Variants in CSMD2 observed in about 807,000 individuals in gnomAD.
CSMD2 encodes CUB and sushi domain-containing protein 2.
In CSMD2, 130 loss-of-function variants were observed where a neutral mutation model predicts 398.5. The ratio of observed to expected loss-of-function variants is 0.33; its 90% confidence interval spans 0.28 to 0.38. CSMD2 has a LOEUF of 0.38. Among genes scored for constraint, CSMD2 ranks in the 10% least tolerant of loss-of-function variants. The pLI, the probability that CSMD2 is intolerant of heterozygous loss-of-function variation, is 1.00. For synonymous variants in CSMD2, 1,828 were observed against 1,908.5 expected, an observed-to-expected ratio of 0.96 and a Z score of 1.10; for missense variants, 3,829 against 4,764.9, an observed-to-expected ratio of 0.80 and a Z score of 5.78.
intron 19 of CSMD2, among the ~76,000 whole-genome samples, chr1:33,718,589 A>G (rs1286092197): frequency 5.9e-5 from 9 of 152,236 alleles, no homozygotes; most frequent in Admixed American, 3.9e-4. Flanking sequence ...AGTATGGTCC[A>G]TGAACCAGCA....
chr1:34,109,278 TAC>T, intron 1 of CSMD2, among the ~76,000 whole-genome samples: 2 of 152,350 alleles, frequency 1.3e-5, no homozygotes, highest in South Asian at 4.1e-4. Context: ...TGCCCCCAAC[TAC>T]ACGTTTGAAT....
At chr1:33,564,093 AT>A (rs1438385966) in intron 53 of CSMD2, among the ~76,000 whole-genome samples, 2 of 150,570 alleles carry the variant, frequency 1.3e-5, no homozygotes, top group Admixed American at 1.3e-4. Context: ...CATCATCATC[AT>A]CACACAACAG....
At chr1:34,012,599 G>A (rs944607279) in intron 3 of CSMD2, among the ~76,000 whole-genome samples, 4 of 151,842 alleles carry the variant, frequency 2.6e-5, no homozygotes, top group Non-Finnish European at 5.9e-5. Flanking sequence ...GCACCACCAC[G>A]CCCGGCTAAT....
intron 3 of CSMD2, among the ~76,000 whole-genome samples, chr1:33,952,686 ACACACACACACACACATG>A (rs973099270): frequency 1.3e-3 from 193 of 146,230 alleles, no homozygotes; most frequent in African/African-American, 5.2e-3. Context: ...ACACACACAC[ACACACACACACACACATG>A]CACACACACA....
At chr1:33,645,344 TACACAC>T (rs4044501) in intron 29 of CSMD2, among the ~76,000 whole-genome samples, 24,187 of 136,154 alleles carry the variant, frequency 0.18, 2,262 homozygotes, top group African/African-American at 0.26. Flanking sequence ...TGGAGCATTA[TACACAC>T]ACACACACAC....
At chr1:33,525,470 G>T (rs193260183) in intron 65 of CSMD2, among the ~76,000 whole-genome samples, 290 of 152,296 alleles carry the variant, frequency 1.9e-3, no homozygotes, top group African/African-American at 6.7e-3. Context: ...AATATCATAT[G>T]ATCTCACTTA....
intron 1 of CSMD2, among the ~76,000 whole-genome samples, chr1:34,136,371 A>AC (rs1638752882): frequency 6.6e-6 from 1 of 152,238 alleles, no homozygotes; most frequent in Non-Finnish European, 1.5e-5. Context: ...TTGGTTCCAA[A>AC]AAAAGTGTGA....
rs1640295809 is a variant in CSMD2, at chr1:33,602,516, T to C, written c.6563A>G (p.Asn2188Ser). The change falls in exon 43 of 71, where the codon AAC (asparagine) becomes AGC (serine). Residue 2188 changes from asparagine (N) to serine (S), a missense_variant. Asn to Ser is a conservative substitution (Grantham distance 46). This residue lies in a region of CSMD2 where 723 missense variants were observed against 758.6 expected (regional missense o/e 0.95). Coordinates refer to ENST00000373381, the MANE Select transcript of CSMD2 (RefSeq NM_001281956.2). ...VPCGGNITSS[N>S]GTVYSPGFPS... Reference sequence around the variant, plus strand: ...GAACCCCGGGGAGTACACAGTGCCGTTGGAAGAAGTGATGTTCCCGCCACA... The same window carrying C: ...GAACCCCGGGGAGTACACAGTGCCGCTGGAAGAAGTGATGTTCCCGCCACA... 1.9e-6 allele frequency: 3 copies of C among 1,594,912 alleles called. No homozygotes were observed. The highest frequency in any genetic ancestry group is 1.3e-5 in the African/African-American group (1 of 74,542).
At chr1:33,586,126 G>C (rs1380196812) in intron 46 of CSMD2, among the ~76,000 whole-genome samples, 1 of 152,142 alleles carries the variant, frequency 6.6e-6, no homozygotes, top group Non-Finnish European at 1.5e-5. Flanking sequence ...ACAGCACCTT[G>C]AGTGCATCCG....
intron 10 of CSMD2, among the ~76,000 whole-genome samples, chr1:33,808,100 C>G (rs929998144): frequency 1.3e-5 from 2 of 151,994 alleles, no homozygotes; most frequent in African/African-American, 2.4e-5. Context: ...CTTTGATGCT[C>G]TAATAACACA....
At chr1:33,716,706 ATTTTACAGTTCTTC>A (rs1332658297) in intron 19 of CSMD2, among the ~76,000 whole-genome samples, 2 of 152,192 alleles carry the variant, frequency 1.3e-5, no homozygotes, top group African/African-American at 2.4e-5. Flanking sequence ...AGGGAGAAGA[ATTTTACAGTTCTTC>A]TTTTACAGTT....
intron 25 of CSMD2, among the ~76,000 whole-genome samples, chr1:33,683,816 A>G (rs975266556): frequency 6.6e-6 from 1 of 152,234 alleles, no homozygotes; most frequent in Non-Finnish European, 1.5e-5. Flanking sequence ...GAAGACTTAA[A>G]TCTGACAAAG....
intron 46 of CSMD2, among the ~76,000 whole-genome samples, chr1:33,584,912 G>A (rs1239435410): frequency 2.0e-5 from 3 of 152,050 alleles, no homozygotes; most frequent in Admixed American, 6.6e-5. Context: ...AGCAGGATTC[G>A]TTATTTCGTC....
chr1:33,910,642 C>T (rs893892745), intron 5 of CSMD2, among the ~76,000 whole-genome samples: 4 of 152,132 alleles, frequency 2.6e-5, no homozygotes, highest in Admixed American at 6.5e-5. Context: ...AAGGTTTATC[C>T]GAGGGCTTTT....
chr1:33,730,339 CA>C (rs2149219375), intron 15 of CSMD2, among the ~76,000 whole-genome samples: 1 of 152,216 alleles, frequency 6.6e-6, no homozygotes, highest in South Asian at 2.1e-4. Flanking sequence ...ACGGAGGGAA[CA>C]GGGTAGAGAA....
At chr1:33,684,188 T>G (rs542753011) in intron 25 of CSMD2, among the ~76,000 whole-genome samples, 1 of 152,240 alleles carries the variant, frequency 6.6e-6, no homozygotes, top group African/African-American at 2.4e-5. Flanking sequence ...GAAGATAAGC[T>G]CCACTGGGCA....
intron 39 of CSMD2, among the ~76,000 whole-genome samples, chr1:33,615,603 A>G (rs1641332164): frequency 6.6e-6 from 1 of 152,142 alleles, no homozygotes; most frequent in Non-Finnish European, 1.5e-5. Flanking sequence ...GCACCCTTCT[A>G]ATGGGGTTGT....
chr1:33,700,733 C>T, intron 22 of CSMD2, 60 bp from the exon 23 acceptor site: 2 of 1,541,634 alleles, frequency 1.3e-6, no homozygotes, highest in Admixed American at 1.7e-5. Flanking sequence ...TTGAACAACA[C>T]CTCCTTACCC....
Position 34,026,276 on chromosome 1 carries a change from A to G in CSMD2, c.517+6318T>C, listed in dbSNP as rs144345179. On this transcript the variant is annotated intron_variant, in intron 3 of 70. Transcript: ENST00000373381. Reference sequence around the variant, plus strand: ...GTCTGAATTCAGAACCTGAGATCTTAATTCTTGTACTATGCCACCTTTCCC... The same window carrying G: ...GTCTGAATTCAGAACCTGAGATCTTGATTCTTGTACTATGCCACCTTTCCC... 7.9e-3 allele frequency among the ~76,000 whole-genome samples: 1,200 copies of G among 151,786 alleles called. 26 individuals carry two copies. The highest frequency in any genetic ancestry group is 0.065 in the South Asian group (305 of 4,678).
Sources: gnomAD v4.1 joint callset for allele counts (sites outside exome capture counted in the v4.1 genomes callset) on GRCh38, gnomAD v4.1.1 for gene constraint, gnomAD v4.1.1 regional missense constraint, MANE v1.5 for transcripts, NCBI Gene and HGNC (gene_info 2026-07-23, HGNC 2026-07-21) for gene names.